RAB38: variants seen among roughly 807,000 people sequenced by gnomAD.
RAB38 encodes the protein ras-related protein Rab-38.
In RAB38, 15 loss-of-function variants were observed where a neutral mutation model predicts 18.4. The observed-to-expected ratio is 0.82, with a 90% CI of 0.55 to 1.26. RAB38 has a LOEUF of 1.26. Ranked by LOEUF, RAB38 falls within the 50% of genes most tolerant of loss-of-function variation. The pLI, the probability that RAB38 is intolerant of heterozygous loss-of-function variation, is 0.00. For missense variants in RAB38, 294 were observed against 267.4 expected, an observed-to-expected ratio of 1.10 and a Z score of -0.69; for synonymous variants, 101 against 104.4, an observed-to-expected ratio of 0.97 and a Z score of 0.20.
chr11:87,854,130 TTTTTG>T, the RAB38 span, among the ~76,000 whole-genome samples: 1 of 2,626 alleles, frequency 3.8e-4, no homozygotes, highest in East Asian at 1.2e-3. Flanking sequence ...CCTGCAAAGG[TTTTTG>T]TTTTGTTTTG....
chr11:87,826,121 T>C, the RAB38 span, among the ~76,000 whole-genome samples: 2 of 152,054 alleles, frequency 1.3e-5, no homozygotes, highest in Admixed American at 6.6e-5. Context: ...AACATAGTCA[T>C]GTTATTTAGA....
At chr11:87,942,624 C>A in the RAB38 span, among the ~76,000 whole-genome samples, 1 of 152,092 alleles carries the variant, frequency 6.6e-6, no homozygotes, top group Non-Finnish European at 1.5e-5. Flanking sequence ...GTATGTGGAG[C>A]TGAAATTCTC....
intron 1 of RAB38, among the ~76,000 whole-genome samples, chr11:88,169,924 T>C (rs542196608): frequency 8.5e-5 from 13 of 152,358 alleles, no homozygotes; most frequent in African/African-American, 2.6e-4. Context: ...CTTCTTTGTT[T>C]TTCCCTCACC....
At chr11:88,023,233 A>G in the RAB38 span, among the ~76,000 whole-genome samples, 10 of 152,158 alleles carry the variant, frequency 6.6e-5, no homozygotes, top group Non-Finnish European at 1.2e-4. Context: ...AACATCATAC[A>G]AAATCAGTAA....
At chr11:88,015,454 A>C in the RAB38 span, among the ~76,000 whole-genome samples, 1 of 152,158 alleles carries the variant, frequency 6.6e-6, no homozygotes, top group Non-Finnish European at 1.5e-5. Flanking sequence ...GTTTGCTATA[A>C]GGATTGAATG....
chr11:88,163,790 T>C (rs771210149), intron 1 of RAB38, among the ~76,000 whole-genome samples: 1 of 152,160 alleles, frequency 6.6e-6, no homozygotes, highest in Non-Finnish European at 1.5e-5. Context: ...GCATGTGATA[T>C]ATATGTGTGT....
chr11:87,938,639 G>GATT, the RAB38 span, among the ~76,000 whole-genome samples: 9,511 of 52,726 alleles, frequency 0.18, 312 homozygotes, highest in Admixed American at 0.24. Context: ...TTTTGATTTT[G>GATT]TTGTTGTTGT....
At chr11:88,045,935 T>C in the RAB38 span, among the ~76,000 whole-genome samples, 1 of 152,126 alleles carries the variant, frequency 6.6e-6, no homozygotes, top group African/African-American at 2.4e-5. Context: ...CCTGCCCAGT[T>C]CCCTTATTAG....
At chr11:87,858,227 CTCTT>C in the RAB38 span, among the ~76,000 whole-genome samples, 2 of 152,202 alleles carry the variant, frequency 1.3e-5, no homozygotes, top group South Asian at 4.2e-4. Context: ...GTCTATATCT[CTCTT>C]TTGGTACCAG....
At chr11:88,038,741 A>G in the RAB38 span, among the ~76,000 whole-genome samples, 2 of 152,166 alleles carry the variant, frequency 1.3e-5, no homozygotes, top group African/African-American at 4.8e-5. Context: ...GTAGTTCTTC[A>G]TCTTCACTAT....
the RAB38 span, among the ~76,000 whole-genome samples, chr11:87,952,785 TTTACATGTTTGTC>T: frequency 5.3e-5 from 8 of 152,312 alleles, no homozygotes; most frequent in South Asian, 1.7e-3. Flanking sequence ...CTTTTTGTCT[TTTACATGTTTGTC>T]TGATTATAAC....
chr11:88,066,792 G>T, the RAB38 span, among the ~76,000 whole-genome samples: 1 of 152,206 alleles, frequency 6.6e-6, no homozygotes, highest in African/African-American at 2.4e-5. Flanking sequence ...TCTCATCGAG[G>T]TATAGTTTAC....
At chr11:87,844,893 C>T in the RAB38 span, among the ~76,000 whole-genome samples, 1 of 152,280 alleles carries the variant, frequency 6.6e-6, no homozygotes, top group East Asian at 1.9e-4. Flanking sequence ...TTGAGCCTAA[C>T]CTCTGAGACA....
the RAB38 span, among the ~76,000 whole-genome samples, chr11:88,090,743 C>T: frequency 6.6e-6 from 1 of 152,012 alleles, no homozygotes; most frequent in East Asian, 2.0e-4. Context: ...ACCCAAGTGG[C>T]AGCCAAAAAT....
At chr11:87,902,133 G>C in the RAB38 span, among the ~76,000 whole-genome samples, 1 of 151,328 alleles carries the variant, frequency 6.6e-6, no homozygotes, top group Non-Finnish European at 1.5e-5. Context: ...AGAAATGAAG[G>C]GTTGAAAAAG....
At position 88,151,743 on chromosome 11, in the gene RAB38, G is replaced by A. The variant is rs181398082; in HGVS notation, c.203-1788C>T. ...TTAATTCAAGTTAGCAAGCTGTTTT[G>A]TAGATGGTTATATTTACATTGGTAG... On this transcript the variant is annotated intron_variant, in intron 1 of 2. Transcript: ENST00000243662. Among the ~76,000 whole-genome samples the A allele has an allele frequency of 9.2e-5, 14 of 152,280 alleles. No individual in the cohort carries two copies. The East Asian group carries it at 2.7e-3, about 29-fold the overall frequency.
At chr11:88,030,546 T>C in the RAB38 span, among the ~76,000 whole-genome samples, 4 of 151,982 alleles carry the variant, frequency 2.6e-5, no homozygotes, top group Middle Eastern at 3.4e-3. Flanking sequence ...ATAAAGAGGA[T>C]ATAACCACCG....
chr11:88,026,620 C>T, the RAB38 span, among the ~76,000 whole-genome samples: 22 of 150,916 alleles, frequency 1.5e-4, no homozygotes, highest in Non-Finnish European at 2.5e-4. Context: ...CCTCATGATC[C>T]GCCCGCCTCA....
chr11:88,070,004 G>C, the RAB38 span, among the ~76,000 whole-genome samples: 1 of 152,218 alleles, frequency 6.6e-6, no homozygotes, highest in Non-Finnish European at 1.5e-5. Context: ...GGTGGGGTCA[G>C]ATAAGGGAAT....
Sources: gnomAD v4.1 joint callset for allele counts (sites outside exome capture counted in the v4.1 genomes callset) on GRCh38, gnomAD v4.1.1 for gene constraint, MANE v1.5 for transcripts, NCBI Gene and HGNC (gene_info 2026-07-23, HGNC 2026-07-21) for gene names.